VTI1B: variants seen among roughly 807,000 people sequenced by gnomAD.
VTI1B encodes vesicle transport through interaction with t-SNAREs homolog 1B.
In VTI1B, 18 loss-of-function variants were observed where a neutral mutation model predicts 28.6. The ratio of observed to expected loss-of-function variants is 0.63; its 90% CI spans 0.43 to 0.93. The LOEUF (loss-of-function observed/expected upper bound fraction) is 0.93. Ranked by LOEUF, VTI1B falls within the 40% of genes least tolerant of loss-of-function variation. VTI1B has a pLI of 0.00. For missense variants in VTI1B, 283 were observed against 297.0 expected (o/e 0.95, Z 0.35); for synonymous variants, 100 against 107.9 (o/e 0.93, Z 0.46).
chr14:67,663,916 T>C lies in VTI1B; in HGVS notation c.116-1381A>G, dbSNP rs74058985. Reference sequence around the variant, plus strand: ...CTTTGGGACCTCACATTCTCCTTCATTGACTACAAAATGAGGAAGTAGGTC... The same window carrying C: ...CTTTGGGACCTCACATTCTCCTTCACTGACTACAAAATGAGGAAGTAGGTC... On this transcript the variant is annotated intron_variant, in intron 1 of 5. Transcript: ENST00000554659. 7.9e-4 allele frequency among the ~76,000 whole-genome samples: 121 copies of C among 152,244 alleles called. 1 individual carries two copies. The highest frequency in any genetic ancestry group is 2.2e-3 in the African/African-American group (90 of 41,538).
intron 4 of VTI1B, among the ~76,000 whole-genome samples, chr14:67,655,360 C>G (rs2037242444): frequency 6.6e-6 from 1 of 152,058 alleles, no homozygotes; most frequent in Non-Finnish European, 1.5e-5. Context: ...TAGGTTAACT[C>G]ATTTATGGAA....
intron 1 of VTI1B, among the ~76,000 whole-genome samples, chr14:67,665,457 T>C (rs190738505): frequency 3.9e-5 from 6 of 151,936 alleles, no homozygotes; most frequent in Admixed American, 3.9e-4. Flanking sequence ...TTGGTAGAGA[T>C]GGGGCCTCAC....
chr14:67,662,426 G>A (rs368166879), intron 2 of VTI1B, 51 bp downstream of exon 2: 1 of 1,474,620 alleles, frequency 6.8e-7, no homozygotes, highest in Non-Finnish European at 9.4e-7. Flanking sequence ...CATTACTTCT[G>A]GAAAAGACCA....
In VTI1B at chr14:67,649,179, A is replaced by G. The variant is rs2037139894; in HGVS notation, c.*2206T>C. 2 of 152,096 alleles carry G rather than the reference A, an allele frequency of 1.3e-5. No homozygotes were observed. Among genetic ancestry groups the G allele is most frequent in the African/African-American group, 4.8e-5 (2 of 41,414 alleles). 9.4% of individuals were successfully genotyped at this position (152,096 alleles called of 1,614,324 possible). On this transcript the variant is annotated 3_prime_UTR_variant, in exon 6 of 6. Transcript: ENST00000554659. ...GGTTAATAACCTCTAGCACTTATATATGGCATGGCTTGTCTCTTTGTTCCT... is the reference window on the plus strand; with the variant it reads ...GGTTAATAACCTCTAGCACTTATATGTGGCATGGCTTGTCTCTTTGTTCCT...
At chr14:67,652,801 CT>C (rs879265356) in intron 5 of VTI1B, among the ~76,000 whole-genome samples, 4 of 150,078 alleles carry the variant, frequency 2.7e-5, no homozygotes, top group Admixed American at 6.7e-5. Context: ...AAATATATTT[CT>C]TTTTTTTTTG....
At position 67,648,052 on chromosome 14, in the gene VTI1B, A is replaced by G; in HGVS notation, c.*3333T>C. The G allele has an allele frequency of 6.2e-7, 1 of 1,610,876 alleles. No individual in the cohort carries two copies. Among genetic ancestry groups the G allele is most frequent in the African/African-American group, 1.3e-5 (1 of 74,786 alleles). ...TTTATCCTCTTCCTTTTTAGGAGAC[A>G]AAGACCAATCCATTTGAGTTTTGAT... is the stretch of plus-strand genomic sequence containing the variant. On this transcript the variant is annotated 3_prime_UTR_variant, in exon 6 of 6. Coordinates refer to ENST00000554659, the MANE Select transcript of VTI1B (RefSeq NM_006370.3).
intron 1 of VTI1B, among the ~76,000 whole-genome samples, chr14:67,672,687 C>A (rs1321079488): frequency 6.6e-6 from 1 of 151,956 alleles, no homozygotes; most frequent in Non-Finnish European, 1.5e-5. Flanking sequence ...AAGTGATCCG[C>A]CCGCCTCGGC....
chr14:67,658,522 G>A (rs888846098), intron 3 of VTI1B, among the ~76,000 whole-genome samples: 7 of 152,170 alleles, frequency 4.6e-5, no homozygotes, highest in African/African-American at 1.7e-4. Flanking sequence ...GAGTGAACCC[G>A]GGAGGTGGAG....
Position 67,659,735 on chromosome 14 carries a change from T to C in VTI1B, c.362A>G (p.His121Arg), listed in dbSNP as rs2037311850. The change falls in exon 3 of 6, where the codon CAT (histidine) becomes CGT (arginine). Residue 121 changes from histidine to arginine, a missense_variant. Physicochemically the swap from His to Arg is conservative, Grantham distance 29. Transcript: ENST00000554659. ...KYGIYAVENE[H>R]MNRLQSQRAM... ...AACAAAACAGCTAAAACTTACCATATGCTCATTCTCTACAGCATATATGCC... is the reference window on the plus strand; with the variant it reads ...AACAAAACAGCTAAAACTTACCATACGCTCATTCTCTACAGCATATATGCC... The C allele has an allele frequency of 2.5e-6, 4 of 1,596,622 alleles. No individual in the cohort carries two copies. Among genetic ancestry groups the C allele is most frequent in the Admixed American group, 1.8e-5 (1 of 56,832 alleles).
At position 67,674,589 on chromosome 14, in the gene VTI1B, C is replaced by A; in HGVS notation, c.-100G>T. 1.0e-6 allele frequency: 1 copy of A among 976,730 alleles called. No individual in the cohort carries two copies. The highest frequency in any genetic ancestry group is 1.4e-6 in the Non-Finnish European group (1 of 712,384). 60.5% of individuals were successfully genotyped at this position (976,730 alleles called of 1,614,324 possible). A position where few individuals can be genotyped will look rare whatever the true frequency, so the allele number is the denominator to read the frequency against. Reference sequence around the variant, plus strand: ...CCCAGCCCAGTGGCCATAACGGCGACCGCCGCACCACCGCCGCCCAGGACG... The same window carrying A: ...CCCAGCCCAGTGGCCATAACGGCGAACGCCGCACCACCGCCGCCCAGGACG... On this transcript the variant is annotated 5_prime_UTR_variant, in exon 1 of 6. Coordinates refer to ENST00000554659, the MANE Select transcript of VTI1B (RefSeq NM_006370.3).
Position 67,650,560 on chromosome 14 carries a change from G to A in VTI1B, c.*825C>T. 1.6e-6 allele frequency: 1 copy of A among 614,156 alleles called. No homozygotes were observed. Among genetic ancestry groups the A allele is most frequent in the Non-Finnish European group, 2.8e-6 (1 of 355,394 alleles). 38.0% of individuals were successfully genotyped at this position (614,156 alleles called of 1,614,324 possible). A position where few individuals can be genotyped will look rare whatever the true frequency, so the allele number is the denominator to read the frequency against. ...TTTAACTTAAATTCATGGCCAAGAG[G>A]ATGAGGTGCAAGGGGCTTCCTAAAA... On this transcript the variant is annotated 3_prime_UTR_variant, in exon 6 of 6. Transcript: ENST00000554659.
intron 1 of VTI1B, among the ~76,000 whole-genome samples, chr14:67,668,997 A>T (rs967644739): frequency 6.6e-6 from 1 of 152,250 alleles, no homozygotes; most frequent in South Asian, 2.1e-4. Context: ...TGGTATTCTT[A>T]ATTTTCATTT....
intron 5 of VTI1B, among the ~76,000 whole-genome samples, 193 bp downstream of exon 5, chr14:67,653,244 C>A (rs1036006633): frequency 1.3e-5 from 2 of 152,174 alleles, no homozygotes; most frequent in Non-Finnish European, 2.9e-5. Context: ...ATGATTTTAT[C>A]CTGAGTTATT....
chr14:67,663,810 T>C (rs1179776797), intron 1 of VTI1B, among the ~76,000 whole-genome samples: 1 of 152,214 alleles, frequency 6.6e-6, no homozygotes, highest in Non-Finnish European at 1.5e-5. Flanking sequence ...AAGCACCTTT[T>C]CTGGTTAGTC....
rs141779491 is a variant in VTI1B, at chr14:67,650,888, G to A, written c.*497C>T. 1.6e-4 allele frequency: 251 copies of A among 1,613,958 alleles called. No homozygotes were observed. Among genetic ancestry groups the A allele is most frequent in the Middle Eastern group, 1.6e-4 (1 of 6,084 alleles). On this transcript the variant is annotated 3_prime_UTR_variant, in exon 6 of 6. Coordinates refer to ENST00000554659, the MANE Select transcript of VTI1B (RefSeq NM_006370.3). ...ACTTCCTACTCCCAGTTCACCAGATGAATCAGAAAATCAAGCACGTGTGAG... is the reference window on the plus strand; with the variant it reads ...ACTTCCTACTCCCAGTTCACCAGATAAATCAGAAAATCAAGCACGTGTGAG...
intron 1 of VTI1B, among the ~76,000 whole-genome samples, chr14:67,672,326 C>T (rs186273329): frequency 1.4e-3 from 217 of 151,868 alleles, no homozygotes; most frequent in Non-Finnish European, 2.6e-3. Flanking sequence ...ACCATGTTGC[C>T]CAGGCTGGTC....
intron 4 of VTI1B, among the ~76,000 whole-genome samples, chr14:67,655,504 C>T (rs1417517083): frequency 1.3e-5 from 2 of 151,812 alleles, no homozygotes; most frequent in Admixed American, 6.6e-5. Flanking sequence ...CTGGATAATC[C>T]TTAGACATTT....
At chr14:67,662,902 CAAAA>C (rs11437880) in intron 1 of VTI1B, 3,579 of 892,012 alleles carry the variant, frequency 4.0e-3, no homozygotes, top group South Asian at 5.6e-3. Context: ...GACTCTGTCT[CAAAA>C]AAAAAAAAAA....
Position 67,662,538 on chromosome 14 carries a change from A to G in VTI1B, c.116-3T>C, listed in dbSNP as rs751031044. 6.2e-7 allele frequency: 1 copy of G among 1,608,236 alleles called. No homozygotes were observed. Among genetic ancestry groups the G allele is most frequent in the Non-Finnish European group, 8.5e-7 (1 of 1,176,958 alleles). ...CCTGATCAATTTCTTCTTTTCTTCT[A>G]GAAAAGATAGATAAGTTTCAAATGC... On this transcript the variant is annotated splice_polypyrimidine_tract_variant and splice_region_variant and intron_variant, in intron 1 of 5. Transcript: ENST00000554659.
Sources: allele counts gnomAD v4.1 joint callset (sites outside exome capture counted in the v4.1 genomes callset), GRCh38; gene constraint gnomAD v4.1.1; transcripts MANE v1.5; gene names NCBI Gene and HGNC (gene_info 2026-07-23, HGNC 2026-07-21).